AKAP13: variants seen among roughly 807,000 people sequenced by gnomAD.
AKAP13 encodes the protein A-kinase anchoring protein 13, also known as A-kinase anchor protein 13.
A neutral mutation model predicts 264.5 loss-of-function variants in AKAP13; 80 were observed. The observed-to-expected ratio is 0.30, with a 90% CI of 0.25 to 0.36. The LOEUF is 0.36. Ranked by LOEUF, AKAP13 falls within the 10% of genes least tolerant of loss-of-function variation. The pLI is 1.00. For missense variants in AKAP13, 3,712 were observed against 3,435.2 expected, an observed-to-expected ratio of 1.08 and a Z score of -2.01; for synonymous variants, 1,380 against 1,250.2, an observed-to-expected ratio of 1.10 and a Z score of -2.19.
intron 8 of AKAP13, among the ~76,000 whole-genome samples, chr15:85,587,138 C>T (rs1300892072): frequency 6.6e-6 from 1 of 152,172 alleles, no homozygotes; most frequent in African/African-American, 2.4e-5. Context: ...GAAGAAACCC[C>T]AGACCCATTA....
chr15:85,739,876 A>G (rs2088828166), intron 33 of AKAP13, among the ~76,000 whole-genome samples: 1 of 152,122 alleles, frequency 6.6e-6, no homozygotes, highest in Non-Finnish European at 1.5e-5. Context: ...TTGAAATGCT[A>G]TTTACATGCT....
intron 19 of AKAP13, among the ~76,000 whole-genome samples, chr15:85,714,531 A>T (rs1358776493): frequency 6.6e-6 from 1 of 152,260 alleles, no homozygotes; most frequent in Non-Finnish European, 1.5e-5. Flanking sequence ...CCTGTAAGAT[A>T]TGTAGACTCT....
intron 8 of AKAP13, among the ~76,000 whole-genome samples, chr15:85,632,125 A>T (rs550800152): frequency 6.6e-6 from 1 of 152,322 alleles, no homozygotes; most frequent in Admixed American, 6.5e-5. Context: ...CTGGCAAGTT[A>T]ACTTACATCC....
At chr15:85,698,336 G>GGTGCCTCA (rs2085682949) in intron 17 of AKAP13, among the ~76,000 whole-genome samples, 1 of 151,616 alleles carries the variant, frequency 6.6e-6, no homozygotes, top group East Asian at 1.9e-4. Context: ...CATGGTGGCA[G>GGTGCCTCA]TGCCTGTAAT....
chr15:85,723,358 G>GT, intron 26 of AKAP13, 38 bp downstream of exon 26: 1 of 1,590,460 alleles, frequency 6.3e-7, no homozygotes, highest in Admixed American at 1.8e-5. Flanking sequence ...ATGTGCCCAG[G>GT]TAAAACAGGC....
Position 85,581,809 on chromosome 15 carries a change from G to A in AKAP13, c.3741G>A (p.Leu1247=). 1 of 1,614,180 alleles carries A rather than the reference G, an allele frequency of 6.2e-7. No individual in the cohort carries two copies. ...QDAPLPKGAD[L]IEEAASRIVD... ...CACCTCTGCCTAAGGGGGCAGACTT[G>A]ATAGAGGAGGCTGCCAGCCGTATAG... The change falls in exon 7 of 37, where the codon TTG becomes TTA. Residue 1247 remains leucine, a synonymous_variant. Transcript: ENST00000394518.
At chr15:85,558,137 A>G (rs1279377398) in intron 5 of AKAP13, among the ~76,000 whole-genome samples, 1 of 152,194 alleles carries the variant, frequency 6.6e-6, no homozygotes, top group Non-Finnish European at 1.5e-5. Context: ...AAAAAATCTG[A>G]TCGCTTGTAA....
At chr15:85,572,820 G>A (rs1479199379) in intron 5 of AKAP13, among the ~76,000 whole-genome samples, 1 of 151,994 alleles carries the variant, frequency 6.6e-6, no homozygotes, top group African/African-American at 2.4e-5. Context: ...CCCTCCCCTA[G>A]CCCCCAACCA....
At chr15:85,635,800 C>T (rs1050483188) in intron 8 of AKAP13, among the ~76,000 whole-genome samples, 2 of 151,976 alleles carry the variant, frequency 1.3e-5, no homozygotes, top group African/African-American at 4.8e-5. Flanking sequence ...AGTATCCAGT[C>T]GTTATAGCAT....
chr15:85,561,481 G>A (rs540532993), intron 5 of AKAP13, among the ~76,000 whole-genome samples: 66 of 152,318 alleles, frequency 4.3e-4, no homozygotes, highest in African/African-American at 1.5e-3. Context: ...GTTGAATCAG[G>A]TTGGTGGCTT....
chr15:85,724,598 C>T lies in AKAP13; in HGVS notation c.6745+1278C>T, dbSNP rs894892568. Among the ~76,000 whole-genome samples the T allele has an allele frequency of 6.6e-6, 1 of 151,532 alleles. No individual in the cohort carries two copies. The highest frequency in any genetic ancestry group is 1.5e-5 in the Non-Finnish European group (1 of 67,940). On this transcript the variant is annotated intron_variant, in intron 26 of 36. Transcript: ENST00000394518. This position sits in a 1 kb window ranked among gnomAD's most constrained non-coding sequence, Gnocchi z 4.2. Reference sequence around the variant, plus strand: ...GGAGGGGCCAGGTTGTAATGAGGTGCATTCTCCAGACTGAGGAGTTAACAG... The same window carrying T: ...GGAGGGGCCAGGTTGTAATGAGGTGTATTCTCCAGACTGAGGAGTTAACAG...
chr15:85,387,267 TG>T (rs1242450010), intron 1 of AKAP13, among the ~76,000 whole-genome samples: 1 of 151,978 alleles, frequency 6.6e-6, no homozygotes, highest in African/African-American at 2.4e-5. Flanking sequence ...GCCCGGGAGA[TG>T]GAGGTTACAG....
At chr15:85,504,879 CTT>C (rs1416642792) in intron 2 of AKAP13, among the ~76,000 whole-genome samples, 1 of 151,930 alleles carries the variant, frequency 6.6e-6, no homozygotes, top group African/African-American at 2.4e-5. Context: ...CTCTCTCTCT[CTT>C]GCTCTCTCGC....
chr15:85,517,920 C>T (rs1277586311), intron 2 of AKAP13, among the ~76,000 whole-genome samples: 1 of 152,168 alleles, frequency 6.6e-6, no homozygotes, highest in Non-Finnish European at 1.5e-5. Flanking sequence ...CACGCTGTTT[C>T]TTAAGTTCAG....
At chr15:85,725,867 C>T (rs373776172) in intron 26 of AKAP13, among the ~76,000 whole-genome samples, 2 of 152,180 alleles carry the variant, frequency 1.3e-5, no homozygotes, top group East Asian at 3.8e-4. Context: ...GACTGGAAGG[C>T]GCCTGCCTGT....
rs144424375 is a variant in AKAP13, at chr15:85,695,284, A to C, written c.5464+1833A>C. 1.3e-3 allele frequency among the ~76,000 whole-genome samples: 202 copies of C among 152,250 alleles called. 1 individual carries two copies. The highest frequency in any genetic ancestry group is 0.01 in the Middle Eastern group (3 of 294). ...CTGGGCTTTGTGACACGTGCCTGTA[A>C]CCTCAACTACTCGGGAGGCTGAGGC... On this transcript the variant is annotated intron_variant, in intron 17 of 36. Coordinates refer to ENST00000394518, the MANE Select transcript of AKAP13 (RefSeq NM_007200.5).
At chr15:85,424,736 T>G (rs1284463747) in intron 1 of AKAP13, among the ~76,000 whole-genome samples, 1 of 152,220 alleles carries the variant, frequency 6.6e-6, no homozygotes, top group African/African-American at 2.4e-5. Context: ...TTGACATGCC[T>G]TCCTTGCTAA....
rs1320326451 is a variant in AKAP13, at chr15:85,577,900, C to G, written c.862-1030C>G. 3.6e-6 allele frequency: 3 copies of G among 842,202 alleles called. No homozygotes were observed. The East Asian group carries it at 3.7e-4, about 104-fold the overall frequency. The allele number at this position is 842,202 out of a possible 1,614,324, so 52.2% of individuals were successfully genotyped here. On this transcript the variant is annotated intron_variant, in intron 6 of 36. Transcript: ENST00000394518. ...AGTATTTAGGGCACAGGCACATTGGCTGCACCTTGTAATGGAAAAGAGCTA... is the reference window on the plus strand; with the variant it reads ...AGTATTTAGGGCACAGGCACATTGGGTGCACCTTGTAATGGAAAAGAGCTA...
At chr15:85,676,149 G>C (rs1000867179) in intron 14 of AKAP13, among the ~76,000 whole-genome samples, 1 of 152,144 alleles carries the variant, frequency 6.6e-6, no homozygotes, top group African/African-American at 2.4e-5. Context: ...CTGACCTCAT[G>C]ATTTGCCCAC....
Sources: gnomAD v4.1 joint callset for allele counts (sites outside exome capture counted in the v4.1 genomes callset) on GRCh38, gnomAD v4.1.1 for gene constraint, Gnocchi (gnomAD v3.1) non-coding constraint, MANE v1.5 for transcripts, NCBI Gene and HGNC (gene_info 2026-07-23, HGNC 2026-07-21) for gene names.